Variants in SGK1 observed in about 807,000 individuals in gnomAD.
The protein encoded by SGK1 is serum/glucocorticoid regulated kinase 1.
A neutral mutation model predicts 64.2 loss-of-function variants in SGK1; 26 were observed. The observed-to-expected ratio is 0.40, with a 90% CI of 0.30 to 0.56. SGK1 has a LOEUF of 0.56. Among genes scored for constraint, SGK1 ranks in the 20% least tolerant of loss-of-function variants. The pLI, the probability that SGK1 is intolerant of heterozygous loss-of-function variation, is 0.38. For missense variants in SGK1, 519 were observed against 645.6 expected, an observed-to-expected ratio of 0.80 and a Z score of 2.12; for synonymous variants, 265 against 239.7, an observed-to-expected ratio of 1.11 and a Z score of -0.98.
At chr6:134,287,174 G>C (rs979568982) in intron 1 of SGK1, among the ~76,000 whole-genome samples, 1 of 152,132 alleles carries the variant, frequency 6.6e-6, no homozygotes, top group East Asian at 1.9e-4. Flanking sequence ...GTTTCACCAT[G>C]TTGGCCAGAC....
At chr6:134,222,487 C>G (rs1366260503) in intron 2 of SGK1, among the ~76,000 whole-genome samples, 1 of 152,074 alleles carries the variant, frequency 6.6e-6, no homozygotes, top group Non-Finnish European at 1.5e-5. Context: ...AGGCGCCCAC[C>G]ACCACGCCTG....
chr6:134,304,173 C>T (rs886898865), intron 1 of SGK1, among the ~76,000 whole-genome samples: 3 of 152,224 alleles, frequency 2.0e-5, no homozygotes, highest in Non-Finnish European at 4.4e-5. Context: ...CAACCACCAG[C>T]TGAATGCAGC....
At chr6:134,299,618 A>T (rs1014759163) in intron 1 of SGK1, among the ~76,000 whole-genome samples, 4 of 152,174 alleles carry the variant, frequency 2.6e-5, no homozygotes, top group Admixed American at 1.3e-4. Flanking sequence ...TGGCTGACAT[A>T]CAGTAAAACT....
rs577504325 is a variant in SGK1, at chr6:134,266,997, A to G, written c.70-4849T>C. 2.2e-4 allele frequency among the ~76,000 whole-genome samples: 34 copies of G among 152,242 alleles called. No individual in the cohort carries two copies. The South Asian group carries it at 5.0e-3, about 22-fold the overall frequency. ...CTTACTTTCAATGTCTCTTTTGCCAAGTAGATTTAACTTTAGGGTTACTGT... is the reference window on the plus strand; with the variant it reads ...CTTACTTTCAATGTCTCTTTTGCCAGGTAGATTTAACTTTAGGGTTACTGT... On this transcript the variant is annotated intron_variant, in intron 1 of 13. Coordinates refer to ENST00000367858, the MANE Select transcript of SGK1 (RefSeq NM_001143676.3).
At chr6:134,245,380 G>A (rs1776511661) in intron 2 of SGK1, among the ~76,000 whole-genome samples, 1 of 152,234 alleles carries the variant, frequency 6.6e-6, no homozygotes, top group African/African-American at 2.4e-5. Flanking sequence ...TTATTTTTCT[G>A]TGAGAATATT....
chr6:134,248,504 T>C (rs904438773), intron 2 of SGK1, among the ~76,000 whole-genome samples: 2 of 142,090 alleles, frequency 1.4e-5, no homozygotes, highest in Admixed American at 1.5e-4. Context: ...CAGGCTGGAG[T>C]ACAGTAGTGA....
rs543152416 is a variant in SGK1 at position 134,264,158 on chromosome 6, GC to G, written c.70-2011del. Reference sequence around the variant, plus strand: ...TTTTGAGACAGAGTCTCGCTCTGTTGCCCCTGGCTGGAGTACAGTGGCGCGA... The same window carrying G: ...TTTTGAGACAGAGTCTCGCTCTGTTGCCCTGGCTGGAGTACAGTGGCGCGA... On this transcript the variant is annotated intron_variant, in intron 1 of 13. Coordinates refer to ENST00000367858, the MANE Select transcript of SGK1 (RefSeq NM_001143676.3). Among the ~76,000 whole-genome samples the G allele has an allele frequency of 1.0e-2, 1,386 of 138,630 alleles. 7 individuals carry two copies. The highest frequency in any genetic ancestry group is 0.042 in the South Asian group (184 of 4,428). 90.9% of individuals were successfully genotyped at this position (138,630 alleles called of 152,430 possible). A position where few individuals can be genotyped will look rare whatever the true frequency, so the allele number is the denominator to read the frequency against.
At chr6:134,287,848 A>G (rs1213387976) in intron 1 of SGK1, among the ~76,000 whole-genome samples, 2 of 152,170 alleles carry the variant, frequency 1.3e-5, no homozygotes, top group African/African-American at 2.4e-5. Flanking sequence ...TTTTGTTGTT[A>G]AAGTATCTTT....
chr6:134,231,200 A>G (rs1776272921), intron 2 of SGK1, among the ~76,000 whole-genome samples: 1 of 152,102 alleles, frequency 6.6e-6, no homozygotes, highest in South Asian at 2.1e-4. Flanking sequence ...AAAAAAATAA[A>G]CCAAAATCCC....
intron 13 of SGK1, 86 bp from the exon 14 acceptor site, chr6:134,170,521 G>C: frequency 2.3e-6 from 3 of 1,293,118 alleles, no homozygotes; most frequent in Non-Finnish European, 3.2e-6. Flanking sequence ...TAAATACCAA[G>C]TTTAAGTCTT....
At chr6:134,293,349 G>A (rs1777295145) in intron 1 of SGK1, among the ~76,000 whole-genome samples, 2 of 152,180 alleles carry the variant, frequency 1.3e-5, no homozygotes, top group African/African-American at 4.8e-5. Flanking sequence ...AGAGGCAAAT[G>A]AGAGAGTTAG....
At chr6:134,244,764 A>G (rs1776500542) in intron 2 of SGK1, among the ~76,000 whole-genome samples, 1 of 152,168 alleles carries the variant, frequency 6.6e-6, no homozygotes, top group Non-Finnish European at 1.5e-5. Flanking sequence ...CTATTCGGCC[A>G]TCTTGCCCGG....
At chr6:134,276,318 G>A (rs1448947938) in intron 1 of SGK1, among the ~76,000 whole-genome samples, 1 of 152,206 alleles carries the variant, frequency 6.6e-6, no homozygotes, top group Non-Finnish European at 1.5e-5. Context: ...TTGGAAGACA[G>A]TGTTAAAGCG....
At chr6:134,191,826 G>A (rs374779894) in intron 3 of SGK1, among the ~76,000 whole-genome samples, 9 of 41,604 alleles carry the variant, frequency 2.2e-4, no homozygotes, top group African/African-American at 3.9e-4. Context: ...GCGCCACCAC[G>A]CCCGGCTGAT....
intron 2 of SGK1, among the ~76,000 whole-genome samples, chr6:134,236,379 A>T (rs1456079420): frequency 6.6e-6 from 1 of 152,146 alleles, no homozygotes; most frequent in Non-Finnish European, 1.5e-5. Context: ...GCCTGTAAGC[A>T]CTTTTGGGAA....
At chr6:134,244,278 C>T (rs571134581) in intron 2 of SGK1, among the ~76,000 whole-genome samples, 4 of 152,290 alleles carry the variant, frequency 2.6e-5, no homozygotes, top group African/African-American at 9.6e-5. Flanking sequence ...TAGCTTCATC[C>T]ATGTCCCTGC....
At chr6:134,308,303 T>C (rs1387520479) in intron 1 of SGK1, among the ~76,000 whole-genome samples, 1 of 152,218 alleles carries the variant, frequency 6.6e-6, no homozygotes, top group Non-Finnish European at 1.5e-5. Flanking sequence ...ATTCTCAAAC[T>C]ATTAACTTTC....
intron 3 of SGK1, among the ~76,000 whole-genome samples, chr6:134,206,731 G>A (rs527963281): frequency 1.3e-5 from 2 of 151,512 alleles, no homozygotes; most frequent in Admixed American, 1.3e-4. Flanking sequence ...TCCAGGCATG[G>A]TGGCTCATGC....
chr6:134,184,308 C>T (rs1203057852), intron 3 of SGK1, among the ~76,000 whole-genome samples: 2 of 151,666 alleles, frequency 1.3e-5, no homozygotes, highest in Admixed American at 1.3e-4. Context: ...ACCATTCTGG[C>T]CAACATGGTG....
Sources: gnomAD v4.1 joint callset for allele counts (sites outside exome capture counted in the v4.1 genomes callset) on GRCh38, gnomAD v4.1.1 for gene constraint, MANE v1.5 for transcripts, NCBI Gene and HGNC (gene_info 2026-07-23, HGNC 2026-07-21) for gene names.